The following TMEM143 variants were observed in gnomAD, a reference collection of about 807,000 sequenced individuals.
TMEM143 encodes transmembrane protein 143.
A neutral mutation model predicts 40.3 loss-of-function variants in TMEM143; 45 were observed. That is an observed-to-expected ratio of 1.12 (90% CI 0.88 to 1.43). The LOEUF is 1.43. TMEM143 is among the 40% of genes most tolerant of loss of function. The probability of loss-of-function intolerance (pLI) is 0.00; values close to 1 mark genes in which losing one functional copy is unlikely to be tolerated. For missense variants in TMEM143, 620 were observed against 613.4 expected (o/e 1.01, Z -0.11); for synonymous variants, 299 against 282.7 (o/e 1.06, Z -0.58).
chr19:48,336,288 C>T (rs1192239750), intron 6 of TMEM143, among the ~76,000 whole-genome samples: 1 of 151,240 alleles, frequency 6.6e-6, no homozygotes, highest in African/African-American at 2.4e-5. Context: ...GAGGCCGAGA[C>T]GGGCAGATCA....
intron 6 of TMEM143, among the ~76,000 whole-genome samples, chr19:48,341,244 G>A (rs566358962): frequency 3.3e-5 from 5 of 152,310 alleles, no homozygotes; most frequent in African/African-American, 7.2e-5. Context: ...GACAGGACAC[G>A]CATTTTGGCA....
chr19:48,335,609 G>C (rs1490459563), intron 6 of TMEM143, among the ~76,000 whole-genome samples: 2 of 152,146 alleles, frequency 1.3e-5, no homozygotes. Flanking sequence ...TGTAATCCCA[G>C]CTACCCGGGA....
chr19:48,350,159 C>T (rs533849166), intron 3 of TMEM143, among the ~76,000 whole-genome samples: 9 of 151,626 alleles, frequency 5.9e-5, no homozygotes, highest in African/African-American at 1.5e-4. Context: ...CGCTACCATG[C>T]CAGCTAATTT....
Position 48,342,605 on chromosome 19 carries a change from C to G in TMEM143, c.900G>C (p.Val300=), listed in dbSNP as rs771585590. The change falls in exon 6 of 8, where the codon GTG becomes GTC. Residue 300 remains valine (V), a synonymous_variant. Transcript: ENST00000293261. The part of the protein sequence containing the change: ...VAIFVNVGMV[V]LTDLKVATSL... ...AGGTGGCCACCTTGAGGTCGGTTAG[C>G]ACCACCATGCCCACGTTGACGAAGA... is the stretch of plus-strand genomic sequence containing the variant. The G allele has an allele frequency of 6.2e-7, 1 of 1,613,742 alleles. No homozygotes were observed. The highest frequency in any genetic ancestry group is 8.5e-7 in the Non-Finnish European group (1 of 1,179,978).
intron 4 of TMEM143, among the ~76,000 whole-genome samples, chr19:48,344,473 G>C (rs1322686385): frequency 6.6e-6 from 1 of 151,936 alleles, no homozygotes; most frequent in African/African-American, 2.4e-5. Flanking sequence ...ATTTTCTGTA[G>C]AGACGGGGTC....
chr19:48,341,942 C>T (rs778063763), intron 6 of TMEM143, among the ~76,000 whole-genome samples: 4 of 151,756 alleles, frequency 2.6e-5, no homozygotes, highest in African/African-American at 4.8e-5. Flanking sequence ...AGGCAGATCT[C>T]GCTATCATCC....
intron 6 of TMEM143, 26 bp from the exon 7 acceptor site, chr19:48,334,223 G>T (rs1969290474): frequency 6.4e-7 from 1 of 1,567,102 alleles, no homozygotes; most frequent in Non-Finnish European, 8.6e-7. Context: ...CGCCCCGTGG[G>T]CTCAGTTCGG....
intron 3 of TMEM143, among the ~76,000 whole-genome samples, chr19:48,355,017 CT>C (rs545240570): frequency 4.0e-5 from 6 of 151,894 alleles, no homozygotes; most frequent in Non-Finnish European, 5.9e-5. Flanking sequence ...ATAAAATAGG[CT>C]TTTTTTAACT....
Position 48,333,424 on chromosome 19 carries a change from C to G in TMEM143, c.1175G>C (p.Arg392Thr). 6.3e-7 allele frequency: 1 copy of G among 1,585,632 alleles called. No homozygotes were observed. The highest frequency in any genetic ancestry group is 1.1e-5 in the South Asian group (1 of 88,272). ...GTTCTCCACCTCCGACCGGAGCCAC[C>G]TGGAGGTCTCTGCAAGGGGAGAGGC... ...GTQGSPEETSRWLRSEVENWL... is the reference protein window; with the variant it reads ...GTQGSPEETSTWLRSEVENWL... Residue 392 changes from arginine to threonine, a missense_variant, in exon 8 of 8, where the codon AGG becomes ACG. Coordinates refer to ENST00000293261, the MANE Select transcript of TMEM143 (RefSeq NM_018273.4). This position sits in a 1 kb window ranked among gnomAD's most constrained non-coding sequence, Gnocchi z 4.1.
At chr19:48,345,914 A>G (rs1969618610) in intron 3 of TMEM143, among the ~76,000 whole-genome samples, 1 of 150,738 alleles carries the variant, frequency 6.6e-6, no homozygotes, top group South Asian at 2.1e-4. Flanking sequence ...CCTCCTGAGT[A>G]GCTGGGATTA....
At chr19:48,337,764 T>C (rs1296934972) in intron 6 of TMEM143, among the ~76,000 whole-genome samples, 1 of 152,086 alleles carries the variant, frequency 6.6e-6, no homozygotes, top group African/African-American at 2.4e-5. Context: ...CACGCTTGCA[T>C]GTGGACTGTA....
chr19:48,363,676 T>C (rs1970123440), intron 1 of TMEM143, 145 bp from the exon 2 acceptor site: 2 of 1,399,640 alleles, frequency 1.4e-6, no homozygotes, highest in Admixed American at 2.7e-5. Context: ...CTGTTGCCTG[T>C]CCCCTTCCCA....
chr19:48,342,457 G>A, intron 6 of TMEM143, 73 bp downstream of exon 6: 2 of 1,492,064 alleles, frequency 1.3e-6, no homozygotes, highest in Admixed American at 4.2e-5. Flanking sequence ...GCATGAAACA[G>A]AGACAACTAC....
At chr19:48,354,605 T>C (rs1969846189) in intron 3 of TMEM143, among the ~76,000 whole-genome samples, 1 of 152,120 alleles carries the variant, frequency 6.6e-6, no homozygotes, top group Admixed American at 6.6e-5. Context: ...TCTTCCTCAG[T>C]AGAACAGAGC....
chr19:48,361,665 G>A (rs1249813648), intron 2 of TMEM143, among the ~76,000 whole-genome samples: 1 of 152,028 alleles, frequency 6.6e-6, no homozygotes, highest in Non-Finnish European at 1.5e-5. Flanking sequence ...AAGTAGCTGG[G>A]ACTACAGGAG....
intron 3 of TMEM143, among the ~76,000 whole-genome samples, chr19:48,354,264 CTTTT>C (rs71181682): frequency 3.6e-5 from 4 of 110,326 alleles, no homozygotes; most frequent in Admixed American, 1.0e-4. Flanking sequence ...CAGACTTTTT[CTTTT>C]TTTTTTTTTT....
intron 3 of TMEM143, among the ~76,000 whole-genome samples, chr19:48,354,350 C>T (rs1249404636): frequency 4.6e-5 from 7 of 150,878 alleles, no homozygotes; most frequent in African/African-American, 2.4e-5. Context: ...CTGCAGCCTC[C>T]GCCTCCTGGG....
At chr19:48,361,707 T>A (rs1316621975) in intron 2 of TMEM143, among the ~76,000 whole-genome samples, 1 of 151,812 alleles carries the variant, frequency 6.6e-6, no homozygotes, top group African/African-American at 2.4e-5. Context: ...TTTTTTGTAT[T>A]TTTAGTAGAG....
intron 3 of TMEM143, among the ~76,000 whole-genome samples, chr19:48,358,987 G>T (rs1342111003): frequency 1.3e-5 from 2 of 152,088 alleles, no homozygotes; most frequent in Non-Finnish European, 2.9e-5. Flanking sequence ...TGGCCAACAT[G>T]GTGAAACCCA....
Sources: allele counts gnomAD v4.1 joint callset (sites outside exome capture counted in the v4.1 genomes callset), GRCh38; gene constraint gnomAD v4.1.1; non-coding constraint Gnocchi (gnomAD v3.1); transcripts MANE v1.5; gene names NCBI Gene and HGNC (gene_info 2026-07-23, HGNC 2026-07-21).